Variants in ROBO2 observed in about 807,000 individuals in gnomAD.
ROBO2 encodes roundabout guidance receptor 2.
Under a neutral mutation model 160.8 loss-of-function variants are expected in ROBO2, and 53 were observed. The observed-to-expected ratio is 0.33, with a 90% CI of 0.26 to 0.41. The LOEUF is 0.41. Ranked by LOEUF, ROBO2 falls within the 10% of genes least tolerant of loss-of-function variation. ROBO2 has a pLI of 1.00. For missense variants in ROBO2, 1,577 were observed against 1,722.4 expected, an observed-to-expected ratio of 0.92 and a Z score of 1.49; for synonymous variants, 664 against 611.7, an observed-to-expected ratio of 1.09 and a Z score of -1.26.
chr3:77,106,205 G>A (rs188880339), intron 2 of ROBO2, among the ~76,000 whole-genome samples: 136 of 152,072 alleles, frequency 8.9e-4, no homozygotes, highest in African/African-American at 3.2e-3. Context: ...ACCAAACCTG[G>A]CTAATTTTTG....
chr3:76,269,296 A>G (rs1056607508), intron 2 of ROBO2, among the ~76,000 whole-genome samples: 6 of 152,098 alleles, frequency 3.9e-5, no homozygotes, highest in East Asian at 1.9e-4. Flanking sequence ...ATGTACAACT[A>G]CTAGGTACTC....
chr3:76,563,238 C>T (rs796429075), intron 2 of ROBO2, among the ~76,000 whole-genome samples: 1 of 152,118 alleles, frequency 6.6e-6, no homozygotes, highest in South Asian at 2.1e-4. Context: ...ATCAGACACT[C>T]TGCACATCAT....
At chr3:76,968,778 A>G (rs2059430821) in intron 2 of ROBO2, among the ~76,000 whole-genome samples, 1 of 152,164 alleles carries the variant, frequency 6.6e-6, no homozygotes, top group Non-Finnish European at 1.5e-5. Context: ...TGATTGATGG[A>G]TATTTTCAGC....
At chr3:76,839,976 A>C (rs1449719079) in intron 2 of ROBO2, among the ~76,000 whole-genome samples, 2 of 152,168 alleles carry the variant, frequency 1.3e-5, no homozygotes, top group Non-Finnish European at 2.9e-5. Context: ...AGGTACCTCT[A>C]CTAATCCTTT....
At chr3:77,542,356 G>C (rs2092506250) in intron 6 of ROBO2, among the ~76,000 whole-genome samples, 1 of 152,090 alleles carries the variant, frequency 6.6e-6, no homozygotes, top group Non-Finnish European at 1.5e-5. Flanking sequence ...CAAATTTTTT[G>C]CTTTGATAAA....
At chr3:77,142,401 C>T (rs2150439014) in intron 2 of ROBO2, among the ~76,000 whole-genome samples, 1 of 152,286 alleles carries the variant, frequency 6.6e-6, no homozygotes. Context: ...CGTGCAAGCA[C>T]ATATACCCCT....
At chr3:76,580,559 G>A (rs1360659216) in intron 2 of ROBO2, among the ~76,000 whole-genome samples, 1 of 151,742 alleles carries the variant, frequency 6.6e-6, no homozygotes, top group Non-Finnish European at 1.5e-5. Flanking sequence ...CAGGACCTCA[G>A]CAGTAAGAAA....
intron 2 of ROBO2, among the ~76,000 whole-genome samples, chr3:77,194,624 A>G (rs950905516): frequency 6.6e-6 from 1 of 152,168 alleles, no homozygotes; most frequent in African/African-American, 2.4e-5. Flanking sequence ...TTGTTTATAA[A>G]TCTCTTTTTA....
At chr3:77,289,960 C>T (rs1375052380) in intron 2 of ROBO2, among the ~76,000 whole-genome samples, 1 of 137,188 alleles carries the variant, frequency 7.3e-6, no homozygotes, top group Non-Finnish European at 1.6e-5. Flanking sequence ...TAGATCACCC[C>T]AGACATTAAG....
chr3:76,925,228 A>AATAAAAT (rs1553693999), intron 2 of ROBO2, among the ~76,000 whole-genome samples: 12 of 147,476 alleles, frequency 8.1e-5, no homozygotes, highest in Admixed American at 7.5e-4. Flanking sequence ...AAAAAAAAAA[A>AATAAAAT]AAATCTGGTT....
chr3:76,921,778 T>C (rs1357762903), intron 2 of ROBO2, among the ~76,000 whole-genome samples: 1 of 152,184 alleles, frequency 6.6e-6, no homozygotes, highest in Non-Finnish European at 1.5e-5. Flanking sequence ...AATCTTGAGA[T>C]AGCCATATTT....
intron 2 of ROBO2, among the ~76,000 whole-genome samples, chr3:77,103,543 G>A (rs1057160551): frequency 5.2e-4 from 79 of 152,100 alleles, no homozygotes; most frequent in African/African-American, 1.9e-3. Context: ...TTACAAGAGA[G>A]AACAGATGTG....
chr3:76,379,591 T>A (rs2108540716), intron 2 of ROBO2, among the ~76,000 whole-genome samples: 1 of 152,304 alleles, frequency 6.6e-6, no homozygotes, highest in Admixed American at 6.5e-5. Context: ...ATTAAAACAA[T>A]ATTTAAGATA....
At chr3:76,292,096 C>T (rs150340947) in intron 2 of ROBO2, among the ~76,000 whole-genome samples, 63 of 152,136 alleles carry the variant, frequency 4.1e-4, no homozygotes, top group African/African-American at 1.3e-3. Flanking sequence ...TGTCTAATGT[C>T]GTCGGTAGAT....
chr3:76,145,176 A>C lies in ROBO2; in HGVS notation c.109+207574A>C, dbSNP rs192636348. Among the ~76,000 whole-genome samples, 163 of 152,178 alleles carry C rather than the reference A, an allele frequency of 1.1e-3. 1 individual carries two copies. The highest frequency in any genetic ancestry group is 0.011 in the East Asian group (55 of 5,162). On this transcript the variant is annotated intron_variant, in intron 2 of 26. Coordinates refer to the ROBO2 transcript ENST00000487694. ...TGATGAAAACTGGTTCTCCCAATGC[A>C]GTAGGCAAAAAAGCCTTCTAACCTT...
chr3:76,397,050 A>G (rs1281115209), intron 2 of ROBO2, among the ~76,000 whole-genome samples: 1 of 152,212 alleles, frequency 6.6e-6, no homozygotes, highest in Non-Finnish European at 1.5e-5. Flanking sequence ...AGCTGGAGGC[A>G]TCACGCTACC....
chr3:76,472,984 T>C (rs975310665), intron 2 of ROBO2, among the ~76,000 whole-genome samples: 2 of 152,004 alleles, frequency 1.3e-5, no homozygotes, highest in Non-Finnish European at 2.9e-5. Flanking sequence ...CTATCAGTGG[T>C]GTTTACGCAT....
chr3:76,684,210 C>T (rs1575948090), intron 2 of ROBO2, among the ~76,000 whole-genome samples: 1 of 152,092 alleles, frequency 6.6e-6, no homozygotes, highest in African/African-American at 2.4e-5. Flanking sequence ...ATTGTCCAAA[C>T]CATTTTCTCC....
chr3:77,089,318 G>A (rs921115041), intron 1 of ROBO2, among the ~76,000 whole-genome samples: 1 of 152,034 alleles, frequency 6.6e-6, no homozygotes, highest in Non-Finnish European at 1.5e-5. Flanking sequence ...TATAAAATAA[G>A]GGTTTGTAAA....
Sources: gnomAD v4.1 joint callset for allele counts (sites outside exome capture counted in the v4.1 genomes callset) on GRCh38, gnomAD v4.1.1 for gene constraint, MANE v1.5 for transcripts, NCBI Gene and HGNC (gene_info 2026-07-23, HGNC 2026-07-21) for gene names.